LRRK2: variants seen among roughly 807,000 people sequenced by gnomAD.
The protein encoded by LRRK2 is leucine-rich repeat serine/threonine-protein kinase 2.
Under a neutral mutation model 302.6 loss-of-function variants are expected in LRRK2, and 203 were observed. That is an observed-to-expected ratio of 0.67 (90% confidence interval 0.60 to 0.75). The LOEUF (loss-of-function observed/expected upper bound fraction) is 0.75. LRRK2 is among the 30% of genes least tolerant of loss of function. The pLI is 0.00. For synonymous variants in LRRK2, 1,066 were observed against 1,031.9 expected, an observed-to-expected ratio of 1.03 and a Z score of -0.63; for missense variants, 2,830 against 2,951.0, an observed-to-expected ratio of 0.96 and a Z score of 0.95.
chr12:40,357,572 C>T (rs80172174), intron 46 of LRRK2, among the ~76,000 whole-genome samples: 4,891 of 152,166 alleles, frequency 0.032, 226 homozygotes, highest in Admixed American at 0.12. Context: ...AGCATATGGG[C>T]ATTCGTTTTT....
At chr12:40,323,102 A>C (rs1945449349) in intron 37 of LRRK2, 58 bp from the exon 38 acceptor site, 3 of 1,488,048 alleles carry the variant, frequency 2.0e-6, no homozygotes, top group Admixed American at 3.4e-5. Context: ...CAAAACCACA[A>C]ATTTATGTAT....
At chr12:40,257,113 T>C (rs1346755562) in intron 11 of LRRK2, 135 bp from the exon 12 acceptor site, 9 of 677,828 alleles carry the variant, frequency 1.3e-5, no homozygotes, top group Non-Finnish European at 2.2e-5. Context: ...CTTTAAGCTG[T>C]CAATGAACTA....
At position 40,365,077 on chromosome 12, in the gene LRRK2, T is replaced by C. The variant is rs199867553; in HGVS notation, c.7390+27T>C. 18 of 1,583,494 alleles carry C rather than the reference T, an allele frequency of 1.1e-5. No homozygotes were observed. In the South Asian group the frequency reaches 1.7e-4, roughly 15 times the overall value. On this transcript the variant is annotated intron_variant, in intron 49 of 50. Transcript: ENST00000298910. ...CAAGTTTCTTTCCTTTAGATATTTT[T>C]CATATTCTCTAAGTCTTATAAAATA...
At chr12:40,328,955 A>G (rs1460743104) in intron 39 of LRRK2, among the ~76,000 whole-genome samples, 1 of 152,076 alleles carries the variant, frequency 6.6e-6, no homozygotes, top group African/African-American at 2.4e-5. Context: ...TTTATCTTTT[A>G]CTTTTCTGGT....
At position 40,311,349 on chromosome 12, in the gene LRRK2, T is replaced by G. The variant is rs555708368; in HGVS notation, c.4536+700T>G. Among the ~76,000 whole-genome samples the G allele has an allele frequency of 4.0e-5, 6 of 149,904 alleles. No homozygotes were observed. The South Asian group carries it at 6.4e-4, about 16-fold the overall frequency. Reference sequence around the variant, plus strand: ...AAATCAGTTATCAGAGAGAACACTTTTTTTTTTAAATACTTGGCAGAAAAA... The same window carrying G: ...AAATCAGTTATCAGAGAGAACACTTGTTTTTTTAAATACTTGGCAGAAAAA... On this transcript the variant is annotated intron_variant, in intron 31 of 50. Coordinates refer to ENST00000298910, the MANE Select transcript of LRRK2 (RefSeq NM_198578.4).
chr12:40,360,758 T>A (rs1273791016), intron 47 of LRRK2, among the ~76,000 whole-genome samples: 2 of 152,096 alleles, frequency 1.3e-5, no homozygotes, highest in African/African-American at 2.4e-5. Context: ...GCAAGCTTTT[T>A]GCCATCTGTG....
chr12:40,281,749 G>C (rs1334423736), intron 18 of LRRK2, among the ~76,000 whole-genome samples: 1 of 152,164 alleles, frequency 6.6e-6, no homozygotes, highest in East Asian at 1.9e-4. Context: ...TATGCCTAAA[G>C]TCAGCTTGGA....
chr12:40,300,122 A>G lies in LRRK2; in HGVS notation c.3496+865A>G, dbSNP rs187987571. 4.0e-3 allele frequency among the ~76,000 whole-genome samples: 602 copies of G among 152,298 alleles called. 1 individual carries two copies. Among genetic ancestry groups the G allele is most frequent in the Non-Finnish European group, 7.1e-3 (485 of 68,018 alleles). On this transcript the variant is annotated intron_variant, in intron 25 of 50. Coordinates refer to ENST00000298910, the MANE Select transcript of LRRK2 (RefSeq NM_198578.4). ...TTCAGCAACTTTTTGTATGATAAAT[A>G]TGATTACTCTTTGCTGTTGTTAGAA...
chr12:40,293,304 G>C (rs949903163), intron 20 of LRRK2, among the ~76,000 whole-genome samples: 1 of 151,868 alleles, frequency 6.6e-6, no homozygotes, highest in African/African-American at 2.4e-5. Context: ...CCAGTGTCTA[G>C]TCTGTAACAG....
intron 2 of LRRK2, among the ~76,000 whole-genome samples, chr12:40,226,824 A>G (rs1001469191): frequency 2.0e-5 from 3 of 152,134 alleles, no homozygotes; most frequent in Non-Finnish European, 4.4e-5. Context: ...CCTGCTCTGC[A>G]CCCACGTCAT....
chr12:40,323,178 C>T lies in LRRK2; in HGVS notation c.5528C>T (p.Pro1843Leu). Residue 1843 changes from proline to leucine, a missense_variant, in exon 38 of 51, where the codon CCA becomes CTA. Transcript: ENST00000298910. ...KAEEGDLLVN[P>L]DQPRLTIPIS... ...TTCTCAGGAGATCTCTTAGTAAATCCAGATCAACCAAGGCTCACCATTCCA... is the reference window on the plus strand; with the variant it reads ...TTCTCAGGAGATCTCTTAGTAAATCTAGATCAACCAAGGCTCACCATTCCA... 6.2e-7 allele frequency: 1 copy of T among 1,612,934 alleles called. No homozygotes were observed. Among genetic ancestry groups the T allele is most frequent in the South Asian group, 1.1e-5 (1 of 91,002 alleles).
chr12:40,270,113 T>G (rs1233182404), intron 14 of LRRK2, among the ~76,000 whole-genome samples: 1 of 152,186 alleles, frequency 6.6e-6, no homozygotes, highest in Non-Finnish European at 1.5e-5. Flanking sequence ...CATGAAAAAG[T>G]GTCAGTATAA....
intron 7 of LRRK2, among the ~76,000 whole-genome samples, chr12:40,248,575 C>CT (rs1370685361): frequency 6.6e-6 from 1 of 152,074 alleles, no homozygotes. Flanking sequence ...GAATGAAACT[C>CT]TTAACTTTTT....
At chr12:40,335,801 G>T (rs977152196) in intron 40 of LRRK2, among the ~76,000 whole-genome samples, 1 of 152,156 alleles carries the variant, frequency 6.6e-6, no homozygotes, top group African/African-American at 2.4e-5. Flanking sequence ...AGACATTCCA[G>T]ATGAAACTCT....
At chr12:40,342,789 C>A (rs566657073) in intron 41 of LRRK2, among the ~76,000 whole-genome samples, 3 of 152,140 alleles carry the variant, frequency 2.0e-5, no homozygotes, top group African/African-American at 7.2e-5. Context: ...AAACAAAAGA[C>A]GATGGATTTG....
At chr12:40,257,200 A>AC in intron 11 of LRRK2, 48 bp from the exon 12 acceptor site, 1 of 1,360,044 alleles carries the variant, frequency 7.4e-7, no homozygotes. Context: ...TGGTAAAATT[A>AC]TGAAAATATG....
chr12:40,283,858 T>C lies in LRRK2; in HGVS notation c.2242-17T>C. On this transcript the variant is annotated splice_polypyrimidine_tract_variant and intron_variant, in intron 18 of 50. Coordinates refer to ENST00000298910, the MANE Select transcript of LRRK2 (RefSeq NM_198578.4). ...AAATGTAGATTTTTAATATACTTAA[T>C]TTTTTTTCTTTAATAGGTATGTGAG... 1 of 1,598,080 alleles carries C rather than the reference T, an allele frequency of 6.3e-7. No individual in the cohort carries two copies. Among genetic ancestry groups the C allele is most frequent in the Non-Finnish European group, 8.6e-7 (1 of 1,169,436 alleles).
intron 20 of LRRK2, among the ~76,000 whole-genome samples, chr12:40,289,617 C>T (rs1432030654): frequency 6.7e-6 from 1 of 150,284 alleles, no homozygotes; most frequent in African/African-American, 2.4e-5. Context: ...AGTCTTTTGA[C>T]ATATTAATGT....
intron 2 of LRRK2, among the ~76,000 whole-genome samples, chr12:40,229,629 G>A (rs1438001147): frequency 6.6e-6 from 1 of 152,152 alleles, no homozygotes; most frequent in Non-Finnish European, 1.5e-5. Flanking sequence ...TTCCTGTTGT[G>A]CATTAATTAC....
Sources: gnomAD v4.1 joint callset for allele counts (sites outside exome capture counted in the v4.1 genomes callset) on GRCh38, gnomAD v4.1.1 for gene constraint, MANE v1.5 for transcripts, NCBI Gene and HGNC (gene_info 2026-07-23, HGNC 2026-07-21) for gene names.